Variants in CACNG4 observed in about 807,000 individuals in gnomAD.
CACNG4 encodes calcium voltage-gated channel auxiliary subunit gamma 4.
Under a neutral mutation model 22.9 loss-of-function variants are expected in CACNG4, and 8 were observed. The ratio of observed to expected loss-of-function variants is 0.35; its 90% CI spans 0.21 to 0.63. CACNG4 has a LOEUF of 0.63. Ranked by LOEUF, CACNG4 falls within the 30% of genes least tolerant of loss-of-function variation. The probability of loss-of-function intolerance (pLI) is 0.72; values close to 1 mark genes in which losing one functional copy is unlikely to be tolerated. For missense variants in CACNG4, 357 were observed against 455.4 expected, an observed-to-expected ratio of 0.78 and a Z score of 1.97; for synonymous variants, 188 against 191.9, an observed-to-expected ratio of 0.98 and a Z score of 0.17.
At chr17:67,014,075 C>A (rs1015092626) in intron 1 of CACNG4, among the ~76,000 whole-genome samples, 11 of 152,174 alleles carry the variant, frequency 7.2e-5, no homozygotes, top group African/African-American at 2.7e-4. Flanking sequence ...TCCTGGCCCT[C>A]AGGAAGGTGA....
At chr17:66,979,620 C>T (rs968068570) in intron 1 of CACNG4, among the ~76,000 whole-genome samples, 2 of 151,936 alleles carry the variant, frequency 1.3e-5, no homozygotes, top group Non-Finnish European at 2.9e-5. Context: ...TTTCGAACTT[C>T]TGTGATGCAG....
At chr17:67,001,628 G>A (rs1226266376) in intron 1 of CACNG4, among the ~76,000 whole-genome samples, 6 of 152,324 alleles carry the variant, frequency 3.9e-5, no homozygotes, top group African/African-American at 1.4e-4. Context: ...ACCATAGCCA[G>A]GGCCTAGCAT....
At chr17:66,981,659 C>T (rs1450457002) in intron 1 of CACNG4, among the ~76,000 whole-genome samples, 1 of 152,160 alleles carries the variant, frequency 6.6e-6, no homozygotes, top group African/African-American at 2.4e-5. Context: ...CTCAGGCGAG[C>T]CCGGCAAGGT....
rs2143385687 is a variant in CACNG4, at chr17:67,032,042, C to G, written c.*1038C>G. ...TTACAAATCATAACTTCCTGCAAAT[C>G]AACGCCAGGAGAGCAACTTACCTTC... On this transcript the variant is annotated 3_prime_UTR_variant, in exon 4 of 4. Transcript: ENST00000262138. The G allele has an allele frequency of 2.2e-6, 1 of 449,214 alleles. No individual in the cohort carries two copies. The highest frequency in any genetic ancestry group is 1.6e-5 in the South Asian group (1 of 62,732). The allele number at this position is 449,214 out of a possible 1,614,324, so 27.8% of individuals were successfully genotyped here. A position where few individuals can be genotyped will look rare whatever the true frequency, so the allele number is the denominator to read the frequency against.
chr17:67,003,866 G>T (rs2035422437), intron 1 of CACNG4, among the ~76,000 whole-genome samples: 2 of 152,162 alleles, frequency 1.3e-5, no homozygotes. Flanking sequence ...CCATGGAAAT[G>T]GCCCTTCACC....
At position 67,016,228 on chromosome 17, in the gene CACNG4, A is replaced by T. The variant is rs551859421; in HGVS notation, c.221-1961A>T. ...TAAGGGCTGTGGCTCTGCCCATTCT[A>T]CAGATGAGGAGACCGAGGAGTTAAT... is the stretch of plus-strand genomic sequence containing the variant. On this transcript the variant is annotated intron_variant, in intron 1 of 3. Coordinates refer to ENST00000262138, the MANE Select transcript of CACNG4 (RefSeq NM_014405.4). Among the ~76,000 whole-genome samples, 154 of 152,282 alleles carry T rather than the reference A, an allele frequency of 1.0e-3. 1 individual carries two copies. Among genetic ancestry groups the T allele is most frequent in the Non-Finnish European group, 1.9e-3 (130 of 68,016 alleles).
chr17:66,998,421 C>T (rs1267774956), intron 1 of CACNG4, among the ~76,000 whole-genome samples: 1 of 152,138 alleles, frequency 6.6e-6, no homozygotes, highest in Non-Finnish European at 1.5e-5. Context: ...TGGGGTCTCA[C>T]TCAAACTCCT....
chr17:67,019,974 G>C (rs2035522063), intron 2 of CACNG4: 1 of 152,218 alleles, frequency 6.6e-6, no homozygotes, highest in South Asian at 2.1e-4. Flanking sequence ...ACAAAGGTGC[G>C]GGTGAGGTTA....
In CACNG4 at chr17:67,033,332, G is replaced by T. The variant is rs1180459164; in HGVS notation, c.*2328G>T. ...CGCCAGTTAAGCACCTGTGACTCCA[G>T]TACCTACTACTGGTTTTGGGTTGGT... On this transcript the variant is annotated 3_prime_UTR_variant, in exon 4 of 4. Coordinates refer to ENST00000262138, the MANE Select transcript of CACNG4 (RefSeq NM_014405.4). 3.4e-5 allele frequency: 5 copies of T among 145,884 alleles called. No individual in the cohort carries two copies. The East Asian group carries it at 1.1e-3, about 31-fold the overall frequency. The allele number at this position is 145,884 out of a possible 1,614,324, so 9.0% of individuals were successfully genotyped here.
rs113405618 is a variant in CACNG4 at position 66,989,323 on chromosome 17, T to TA, written c.220+24202dup. Among the ~76,000 whole-genome samples, 447 of 144,472 alleles carry TA rather than the reference T, an allele frequency of 3.1e-3. 10 individuals are homozygous for TA. Among genetic ancestry groups the TA allele is most frequent in the African/African-American group, 7.0e-3 (271 of 38,876 alleles). The allele number at this position is 144,472 out of a possible 152,430, so 94.8% of individuals were successfully genotyped here. On this transcript the variant is annotated intron_variant, in intron 1 of 3. Transcript: ENST00000262138. ...CTTCGTTTAATAGACTGGGTTCTTA[T>TA]AAAAAAAAAAGGAGAAGAGACAGAC...
chr17:66,969,808 T>A (rs532153924), intron 1 of CACNG4, among the ~76,000 whole-genome samples: 16 of 152,238 alleles, frequency 1.1e-4, no homozygotes, highest in South Asian at 2.1e-4. Flanking sequence ...CATAGGACCA[T>A]TCAGAGAGGT....
chr17:66,984,543 T>C lies in CACNG4; in HGVS notation c.220+19412T>C, dbSNP rs2035294405. On this transcript the variant is annotated intron_variant, in intron 1 of 3. Coordinates refer to ENST00000262138, the MANE Select transcript of CACNG4 (RefSeq NM_014405.4). The surrounding 1 kb of genome is among the most constrained non-coding windows in gnomAD (Gnocchi z 4.0). The stretch of plus-strand genomic sequence containing the variant: ...AATGTGTGTGCCTAGCCCTGTGCTA[T>C]GTTCTGGGGACTCGTTCATTCATTC... 6.6e-6 allele frequency among the ~76,000 whole-genome samples: 1 copy of C among 152,222 alleles called. No homozygotes were observed. Among genetic ancestry groups the C allele is most frequent in the African/African-American group, 2.4e-5 (1 of 41,448 alleles).
At chr17:66,965,228 G>T in intron 1 of CACNG4, 97 bp downstream of exon 1, 1 of 737,058 alleles carries the variant, frequency 1.4e-6, no homozygotes, top group Non-Finnish European at 2.1e-6. Flanking sequence ...ACACACACGC[G>T]CACACACTGC....
At chr17:66,997,506 T>C (rs1321633008) in intron 1 of CACNG4, among the ~76,000 whole-genome samples, 1 of 152,054 alleles carries the variant, frequency 6.6e-6, no homozygotes, top group Non-Finnish European at 1.5e-5. Context: ...GTCTGAGGAA[T>C]TGCAGTGCAA....
intron 2 of CACNG4, among the ~76,000 whole-genome samples, chr17:67,019,447 G>A (rs2035519228): frequency 6.6e-6 from 1 of 152,118 alleles, no homozygotes; most frequent in African/African-American, 2.4e-5. Context: ...CGCCAGAGAT[G>A]GTTGTGCAGG....
chr17:67,030,987 C>T lies in CACNG4; in HGVS notation c.967C>T (p.Arg323Trp), dbSNP rs1427963530. The change falls in exon 4 of 4, where the codon CGG becomes TGG. Residue 323 changes from arginine (R) to tryptophan (W), a missense_variant. Coordinates refer to ENST00000262138, the MANE Select transcript of CACNG4 (RefSeq NM_014405.4). This position sits in a 1 kb window ranked among gnomAD's most constrained non-coding sequence, Gnocchi z 6.4. ...EGFHVSMLNR[R>W]TTPV ...TTTCCACGTCAGCATGCTGAACCGA[C>T]GGACGACCCCTGTGTGAGCCGCCTG... The T allele has an allele frequency of 1.2e-6, 2 of 1,611,598 alleles. No homozygotes were observed. Among genetic ancestry groups the T allele is most frequent in the Non-Finnish European group, 8.5e-7 (1 of 1,178,374 alleles).
At chr17:66,996,176 G>T (rs2035373619) in intron 1 of CACNG4, among the ~76,000 whole-genome samples, 1 of 152,074 alleles carries the variant, frequency 6.6e-6, no homozygotes, top group South Asian at 2.1e-4. Context: ...ATGCCTCTCT[G>T]CTCCGTGGTT....
intron 1 of CACNG4, among the ~76,000 whole-genome samples, chr17:66,965,969 C>T (rs926157746): frequency 2.0e-5 from 3 of 152,150 alleles, no homozygotes; most frequent in Non-Finnish European, 2.9e-5. Flanking sequence ...CAGGACCGAT[C>T]TGCGGACCGG....
chr17:67,013,872 G>A (rs569373155), intron 1 of CACNG4, among the ~76,000 whole-genome samples: 10 of 152,172 alleles, frequency 6.6e-5, no homozygotes, highest in East Asian at 3.9e-4. Flanking sequence ...GGATATACAC[G>A]TGTGCAGACG....
Sources: gnomAD v4.1 joint callset for allele counts (sites outside exome capture counted in the v4.1 genomes callset) on GRCh38, gnomAD v4.1.1 for gene constraint, Gnocchi (gnomAD v3.1) non-coding constraint, MANE v1.5 for transcripts, NCBI Gene and HGNC (gene_info 2026-07-23, HGNC 2026-07-21) for gene names.